The following CRACDL variants were observed in gnomAD, a reference collection of about 807,000 sequenced individuals.
CRACDL encodes the protein CRACD like.
In CRACDL, 26 loss-of-function variants were observed where a neutral mutation model predicts 70.6. The observed-to-expected ratio is 0.37, with a 90% CI of 0.27 to 0.51. The LOEUF (loss-of-function observed/expected upper bound fraction) is 0.51. Among genes scored for constraint, CRACDL ranks in the 20% least tolerant of loss-of-function variants. The pLI, the probability that CRACDL is intolerant of heterozygous loss-of-function variation, is 0.94. For synonymous variants in CRACDL, 618 were observed against 615.2 expected, an observed-to-expected ratio of 1.00 and a Z score of -0.07; for missense variants, 1,283 against 1,376.9, an observed-to-expected ratio of 0.93 and a Z score of 1.08.
chr2:98,805,888 A>AT (rs1280288704), intron 7 of CRACDL, among the ~76,000 whole-genome samples: 3 of 152,234 alleles, frequency 2.0e-5, no homozygotes, highest in Admixed American at 6.5e-5. Flanking sequence ...GCTGGGCCAC[A>AT]TATCTCTTTT....
rs1708737860 is a variant in CRACDL at position 98,919,124 on chromosome 2, G to T, written c.-11+16814C>A. ...ATTTTGTATATGGTGATAGATAGGG[G>T]TTCCAGTTTCATTCTTCTCCATATG... On this transcript the variant is annotated intron_variant, in intron 1 of 9. Coordinates refer to ENST00000397899, the MANE Select transcript of CRACDL (RefSeq NM_207362.3). Among the ~76,000 whole-genome samples the T allele has an allele frequency of 2.0e-5, 3 of 152,040 alleles. No individual in the cohort carries two copies. In the South Asian group the frequency reaches 6.2e-4, roughly 32 times the overall value.
chr2:98,801,385 T>C (rs972658292), intron 7 of CRACDL, among the ~76,000 whole-genome samples: 1 of 152,048 alleles, frequency 6.6e-6, no homozygotes, highest in African/African-American at 2.4e-5. Flanking sequence ...GAGAAAGGGG[T>C]GATGGGCTGA....
chr2:98,825,569 C>G (rs764062033), intron 6 of CRACDL, among the ~76,000 whole-genome samples: 1 of 152,232 alleles, frequency 6.6e-6, no homozygotes. Flanking sequence ...AAGACATCCC[C>G]GTGGGATTCA....
chr2:98,833,056 G>C lies in CRACDL; in HGVS notation c.240-59C>G, dbSNP rs749361861. On this transcript the variant is annotated intron_variant, in intron 3 of 9. Transcript: ENST00000397899. ...ACCTCCATCTTACTGACCCCTGGGG[G>C]GCTCAGAATGAGAAAGAGGGATGTG... The C allele has an allele frequency of 1.7e-5, 26 of 1,506,918 alleles. 1 individual carries two copies. Among genetic ancestry groups the C allele is most frequent in the Non-Finnish European group, 2.2e-5 (24 of 1,116,212 alleles). The allele number at this position is 1,506,918 out of a possible 1,614,324, so 93.3% of individuals were successfully genotyped here.
Position 98,819,610 on chromosome 2 carries a change from T to C in CRACDL, c.2416+2247A>G, listed in dbSNP as rs548282139. On this transcript the variant is annotated intron_variant, in intron 7 of 9. Transcript: ENST00000397899. ...TGGGCTCTTTGGAACTGTGAATCCTTGTGTGTCACGTTAGGAATTTAAAGC... is the reference window on the plus strand; with the variant it reads ...TGGGCTCTTTGGAACTGTGAATCCTCGTGTGTCACGTTAGGAATTTAAAGC... Among the ~76,000 whole-genome samples, 10 of 152,298 alleles carry C rather than the reference T, an allele frequency of 6.6e-5. No individual in the cohort carries two copies. The East Asian group carries it at 1.9e-3, about 29-fold the overall frequency.
intron 1 of CRACDL, among the ~76,000 whole-genome samples, chr2:98,858,050 C>A (rs574517735): frequency 6.6e-6 from 1 of 151,980 alleles, no homozygotes; most frequent in Admixed American, 6.6e-5. Context: ...GGAAATTATG[C>A]GATGAACTCC....
chr2:98,856,587 A>AT (rs890255568), intron 1 of CRACDL, among the ~76,000 whole-genome samples: 4 of 151,996 alleles, frequency 2.6e-5, no homozygotes, highest in Admixed American at 1.3e-4. Flanking sequence ...ATTTCTTCTC[A>AT]TTTTTTTTAT....
At chr2:98,839,394 T>C (rs939391072) in intron 2 of CRACDL, among the ~76,000 whole-genome samples, 1 of 152,258 alleles carries the variant, frequency 6.6e-6, no homozygotes, top group Non-Finnish European at 1.5e-5. Context: ...TGTTAGTAGA[T>C]GGTTCTCAAT....
At chr2:98,802,460 T>C (rs761087541) in intron 7 of CRACDL, among the ~76,000 whole-genome samples, 2 of 152,218 alleles carry the variant, frequency 1.3e-5, no homozygotes, top group Non-Finnish European at 2.9e-5. Flanking sequence ...AGACCCACAT[T>C]TGGCATTATT....
chr2:98,875,624 C>T (rs1707469773), intron 1 of CRACDL, among the ~76,000 whole-genome samples: 1 of 152,218 alleles, frequency 6.6e-6, no homozygotes, highest in African/African-American at 2.4e-5. Context: ...AAGAACCGCA[C>T]TCAGGATCCT....
chr2:98,814,688 A>G (rs1704710709), intron 7 of CRACDL, among the ~76,000 whole-genome samples: 1 of 152,052 alleles, frequency 6.6e-6, no homozygotes, highest in African/African-American at 2.4e-5. Flanking sequence ...TTGGTTGATG[A>G]TGATGTTCAA....
intron 1 of CRACDL, among the ~76,000 whole-genome samples, chr2:98,922,644 C>A (rs2104695642): frequency 6.6e-6 from 1 of 152,220 alleles, no homozygotes; most frequent in East Asian, 1.9e-4. Context: ...TGATGCCATG[C>A]AGCTCCAATT....
At chr2:98,824,698 A>G (rs1489358471) in intron 6 of CRACDL, among the ~76,000 whole-genome samples, 2 of 152,140 alleles carry the variant, frequency 1.3e-5, no homozygotes, top group African/African-American at 4.8e-5. Context: ...GTATGTTTGC[A>G]ATAGGTTTTT....
chr2:98,892,809 T>C (rs1215316967), intron 1 of CRACDL, among the ~76,000 whole-genome samples: 2 of 152,214 alleles, frequency 1.3e-5, no homozygotes, highest in East Asian at 3.8e-4. Context: ...ATTATATATA[T>C]GTAAATGTAG....
At chr2:98,929,877 T>C (rs1447036688) in intron 1 of CRACDL, among the ~76,000 whole-genome samples, 1 of 152,088 alleles carries the variant, frequency 6.6e-6, no homozygotes, top group African/African-American at 2.4e-5. Flanking sequence ...CTAAGACACC[T>C]AGTATTCATG....
chr2:98,932,479 C>T (rs182134037), intron 1 of CRACDL, among the ~76,000 whole-genome samples: 6 of 152,292 alleles, frequency 3.9e-5, no homozygotes, highest in Admixed American at 2.6e-4. Flanking sequence ...CGGACCTTTC[C>T]GGCTTGTAGT....
At chr2:98,914,786 C>T (rs1335112647) in intron 1 of CRACDL, among the ~76,000 whole-genome samples, 1 of 152,212 alleles carries the variant, frequency 6.6e-6, no homozygotes, top group Non-Finnish European at 1.5e-5. Context: ...GCTCCGGGCA[C>T]AGGTCCACTA....
rs561345688 is a variant in CRACDL at position 98,917,848 on chromosome 2, G to A, written c.-11+18090C>T. ...TATGTCCATGTATACGCATTATTTC[G>A]CTCTCATTTATAAGTGAGAACATGG... is the stretch of plus-strand genomic sequence containing the variant. On this transcript the variant is annotated intron_variant, in intron 1 of 9. Transcript: ENST00000397899. Among the ~76,000 whole-genome samples the A allele has an allele frequency of 7.2e-5, 11 of 152,160 alleles. No individual in the cohort carries two copies. The East Asian group carries it at 1.4e-3, about 19-fold the overall frequency.
chr2:98,860,118 T>C (rs1298567965), intron 1 of CRACDL, among the ~76,000 whole-genome samples: 1 of 151,776 alleles, frequency 6.6e-6, no homozygotes, highest in Non-Finnish European at 1.5e-5. Context: ...ACTTGTACAC[T>C]GAAAATAACA....
Sources: allele counts gnomAD v4.1 joint callset (sites outside exome capture counted in the v4.1 genomes callset), GRCh38; gene constraint gnomAD v4.1.1; transcripts MANE v1.5; gene names NCBI Gene and HGNC (gene_info 2026-07-23, HGNC 2026-07-21).